The following PDE1C variants were observed in gnomAD, a reference collection of about 807,000 sequenced individuals.
The protein encoded by PDE1C is dual specificity calcium/calmodulin-dependent 3',5'-cyclic nucleotide phosphodiesterase 1C.
PDE1C carries 62 observed loss-of-function variants against 93.1 expected under a neutral mutation model. That is an observed-to-expected ratio of 0.67 (90% CI 0.54 to 0.82). The LOEUF (loss-of-function observed/expected upper bound fraction) is 0.82. Among genes scored for constraint, PDE1C ranks in the 40% least tolerant of loss-of-function variants. The pLI is 0.00. For synonymous variants in PDE1C, 325 were observed against 310.1 expected (o/e 1.05, Z -0.50); for missense variants, 742 against 884.6 (o/e 0.84, Z 2.04).
At chr7:32,406,434 A>G (rs902981141) in intron 1 of PDE1C, among the ~76,000 whole-genome samples, 1 of 151,990 alleles carries the variant, frequency 6.6e-6, no homozygotes, top group Non-Finnish European at 1.5e-5. Context: ...TATTTCTAGT[A>G]TACGAGGGAG....
intron 3 of PDE1C, among the ~76,000 whole-genome samples, chr7:32,082,582 G>A (rs1314196376): frequency 6.6e-6 from 1 of 152,174 alleles, no homozygotes; most frequent in African/African-American, 2.4e-5. Context: ...CCCCTGAGCA[G>A]CCTAACTGGG....
At chr7:32,327,266 CAT>C (rs1276019908) in intron 1 of PDE1C, among the ~76,000 whole-genome samples, 2 of 152,176 alleles carry the variant, frequency 1.3e-5, no homozygotes, top group African/African-American at 4.8e-5. Context: ...TGAAGCATAA[CAT>C]GTGCATAGAG....
At chr7:31,952,577 A>C (rs1807533700) in intron 2 of PDE1C, among the ~76,000 whole-genome samples, 1 of 151,938 alleles carries the variant, frequency 6.6e-6, no homozygotes, top group African/African-American at 2.4e-5. Flanking sequence ...GCAAAACGTT[A>C]CTCTATGAGG....
rs1804182502 is a variant in PDE1C, at chr7:31,931,115, A to C, written c.129-50255T>G. On this transcript the variant is annotated intron_variant, in intron 2 of 17. Transcript: ENST00000396191. ...AAATAATAAGAGTTATTTATGACAA[A>C]GCCATAGCCGATATCATACTGACTG... Among the ~76,000 whole-genome samples, 3 of 152,150 alleles carry C rather than the reference A, an allele frequency of 2.0e-5. No individual in the cohort carries two copies. The South Asian group carries it at 6.2e-4, about 32-fold the overall frequency.
intron 15 of PDE1C, 151 bp from the exon 16 acceptor site, chr7:31,809,259 C>T (rs1011556594): frequency 2.2e-5 from 12 of 535,122 alleles, no homozygotes; most frequent in East Asian, 1.2e-4. Context: ...TTTGTAATCA[C>T]GTTAGGTCCT....
intron 3 of PDE1C, among the ~76,000 whole-genome samples, chr7:32,099,144 C>CA (rs1423775566): frequency 1.3e-5 from 2 of 151,406 alleles, no homozygotes; most frequent in African/African-American, 4.9e-5. Context: ...AAAGATGAAA[C>CA]AAAAGTAGAG....
At chr7:32,283,970 G>T (rs950292147) in intron 1 of PDE1C, among the ~76,000 whole-genome samples, 1 of 152,176 alleles carries the variant, frequency 6.6e-6, no homozygotes, top group Admixed American at 6.5e-5. Flanking sequence ...ATACTACCTT[G>T]ATCAACAGGG....
At chr7:32,388,057 C>A (rs1441063515) in intron 1 of PDE1C, among the ~76,000 whole-genome samples, 1 of 152,140 alleles carries the variant, frequency 6.6e-6, no homozygotes, top group African/African-American at 2.4e-5. Flanking sequence ...ATTGTAAGTT[C>A]TTCATGGCTA....
intron 2 of PDE1C, among the ~76,000 whole-genome samples, chr7:31,997,013 AAGAT>A (rs1784803535): frequency 6.6e-6 from 1 of 152,216 alleles, no homozygotes; most frequent in Admixed American, 6.5e-5. Context: ...AGTGCACAGA[AAGAT>A]AGGTCTCTCT....
At chr7:32,136,486 C>T (rs1305980153) in intron 3 of PDE1C, among the ~76,000 whole-genome samples, 2 of 152,044 alleles carry the variant, frequency 1.3e-5, no homozygotes, top group Non-Finnish European at 2.9e-5. Flanking sequence ...TCCCACTAAC[C>T]CTAAACTAAT....
intron 2 of PDE1C, among the ~76,000 whole-genome samples, chr7:31,927,898 A>G (rs555026871): frequency 6.6e-6 from 1 of 152,144 alleles, no homozygotes; most frequent in Non-Finnish European, 1.5e-5. Context: ...AATGATTGCA[A>G]TTCCTCTCCA....
chr7:32,024,047 T>G (rs1256343756), intron 2 of PDE1C, among the ~76,000 whole-genome samples: 2 of 152,162 alleles, frequency 1.3e-5, no homozygotes. Context: ...TGAGCCTCTA[T>G]GCATCTATCA....
chr7:32,094,765 G>A (rs991087448), intron 3 of PDE1C, among the ~76,000 whole-genome samples: 20 of 152,186 alleles, frequency 1.3e-4, no homozygotes, highest in Non-Finnish European at 4.4e-5. Context: ...CTCATAGGAT[G>A]AAGTCCCAGA....
At chr7:32,427,810 A>G (rs1293401511) in intron 1 of PDE1C, 1 of 152,252 alleles carries the variant, frequency 6.6e-6, no homozygotes, top group African/African-American at 2.4e-5. Flanking sequence ...TAAGCAAGGT[A>G]AGGAAACTCA....
chr7:31,756,070 G>A (rs957690593), intron 17 of PDE1C, among the ~76,000 whole-genome samples: 5 of 152,132 alleles, frequency 3.3e-5, no homozygotes, highest in Non-Finnish European at 7.3e-5. Flanking sequence ...TACTCAGGAG[G>A]CTCAGGCAGG....
At chr7:31,807,681 C>T (rs1787031463) in intron 16 of PDE1C, among the ~76,000 whole-genome samples, 1 of 151,830 alleles carries the variant, frequency 6.6e-6, no homozygotes, top group African/African-American at 2.4e-5. Flanking sequence ...GAGAAAGTGT[C>T]TGGGTTCTGG....
intron 2 of PDE1C, among the ~76,000 whole-genome samples, chr7:32,206,147 G>C (rs1354466401): frequency 6.6e-6 from 1 of 152,116 alleles, no homozygotes. Flanking sequence ...TTGACCCCCA[G>C]AGCTTACATG....
At chr7:31,951,097 T>G (rs1807306825) in intron 2 of PDE1C, among the ~76,000 whole-genome samples, 1 of 152,218 alleles carries the variant, frequency 6.6e-6, no homozygotes, top group Non-Finnish European at 1.5e-5. Context: ...CCATTCCCAG[T>G]GTCTCTTCCT....
intron 2 of PDE1C, among the ~76,000 whole-genome samples, chr7:31,925,590 A>T (rs796200040): frequency 1.2e-4 from 18 of 152,340 alleles, no homozygotes; most frequent in African/African-American, 4.3e-4. Context: ...GGTGCTATAC[A>T]CAAGAAACCA....
Sources: allele counts gnomAD v4.1 joint callset (sites outside exome capture counted in the v4.1 genomes callset), GRCh38; gene constraint gnomAD v4.1.1; transcripts MANE v1.5; gene names NCBI Gene and HGNC (gene_info 2026-07-23, HGNC 2026-07-21).